Variants in NDRG1 observed in about 807,000 individuals in gnomAD.
The protein encoded by NDRG1 is protein NDRG1.
NDRG1 carries 32 observed loss-of-function variants against 56.9 expected under a neutral mutation model. The observed-to-expected ratio is 0.56, with a 90% confidence interval of 0.42 to 0.76. The LOEUF is 0.76. Among genes scored for constraint, NDRG1 ranks in the 30% least tolerant of loss-of-function variants. The pLI, the probability that NDRG1 is intolerant of heterozygous loss-of-function variation, is 0.00. For missense variants in NDRG1, 507 were observed against 545.7 expected (o/e 0.93, Z 0.71); for synonymous variants, 211 against 204.1 (o/e 1.03, Z -0.29).
chr8:133,256,169 C>T (rs746693406), intron 8 of NDRG1: 1 of 154,742 alleles, frequency 6.5e-6, no homozygotes, highest in Admixed American at 6.3e-5. Flanking sequence ...CTTAGCCACA[C>T]CGAGTCCTTA....
intron 5 of NDRG1, among the ~76,000 whole-genome samples, chr8:133,259,941 G>A (rs1181944477): frequency 6.6e-6 from 1 of 152,216 alleles, no homozygotes; most frequent in Non-Finnish European, 1.5e-5. Flanking sequence ...AGTAAAGCGT[G>A]TGGGCAGGGA....
intron 3 of NDRG1, among the ~76,000 whole-genome samples, chr8:133,266,432 G>A (rs776744083): frequency 6.6e-6 from 1 of 152,216 alleles, no homozygotes; most frequent in South Asian, 2.1e-4. Flanking sequence ...ACAAACTCAC[G>A]CTTGAGAAGA....
intron 4 of NDRG1, among the ~76,000 whole-genome samples, chr8:133,263,953 AGAAC>A (rs1322653613): frequency 6.6e-6 from 1 of 151,968 alleles, no homozygotes; most frequent in Non-Finnish European, 1.5e-5. Context: ...AAAAGAAAAA[AGAAC>A]GAATAAAGTG....
In NDRG1 at chr8:133,258,886, GA is replaced by G. The variant is rs1187382275; in HGVS notation, c.389+281del. The G allele has an allele frequency of 7.3e-6, 4 of 547,474 alleles. No individual in the cohort carries two copies. In the African/African-American group the frequency reaches 7.5e-5, roughly 10 times the overall value. The allele number at this position is 547,474 out of a possible 1,614,324, so 33.9% of individuals were successfully genotyped here. On this transcript the variant is annotated intron_variant, in intron 6 of 15. Transcript: ENST00000323851. ...ATTCCAGAACATTCCATGGGAAAGA[GA>G]AGGGAATGGAAGAACAGGAGGCAAG...
intron 9 of NDRG1, among the ~76,000 whole-genome samples, chr8:133,252,000 G>A (rs1468821082): frequency 6.6e-6 from 1 of 152,222 alleles, no homozygotes; most frequent in Non-Finnish European, 1.5e-5. Context: ...AAGCAAGGAC[G>A]AATTTCCCCT....
intron 15 of NDRG1, chr8:133,240,306 G>A (rs1466812632): frequency 6.6e-6 from 1 of 152,186 alleles, no homozygotes; most frequent in Admixed American, 6.5e-5. Flanking sequence ...AGGGGCAGTT[G>A]ATCCACACCA....
In NDRG1 at chr8:133,254,580, G is replaced by A; in HGVS notation, c.553C>T (p.Gln185Ter). 6.2e-7 allele frequency: 1 copy of A among 1,614,098 alleles called. No individual in the cohort carries two copies. Among genetic ancestry groups the A allele is most frequent in the Non-Finnish European group, 8.5e-7 (1 of 1,180,004 alleles). ...GACACCACCATGTCCGGCAGAGCTT[G>A]GGTCCATCCTGAGATCTGGAAAGGA... ...WAASKISGWT[Q>*]ALPDMVVSHL... The change falls in exon 9 of 16, where the codon CAA becomes TAA. Residue 185 changes from glutamine (Q) to a stop codon, truncating the protein, a stop_gained. Coordinates refer to ENST00000323851, the MANE Select transcript of NDRG1 (RefSeq NM_006096.4). LOFTEE classifies it high-confidence loss of function.
intron 3 of NDRG1, among the ~76,000 whole-genome samples, chr8:133,265,383 G>C (rs980043515): frequency 6.6e-6 from 1 of 152,150 alleles, no homozygotes; most frequent in African/African-American, 2.4e-5. Context: ...CTGAAAGTAT[G>C]GCCAGCCCAG....
intron 15 of NDRG1, chr8:133,241,493 C>T (rs1317844481): frequency 1.7e-5 from 3 of 177,640 alleles, no homozygotes; most frequent in Non-Finnish European, 3.6e-5. Flanking sequence ...CAGAGCTTCA[C>T]AGTCTTCAAA....
At chr8:133,285,851 G>T (rs1858082594) in intron 1 of NDRG1, among the ~76,000 whole-genome samples, 1 of 152,250 alleles carries the variant, frequency 6.6e-6, no homozygotes, top group South Asian at 2.1e-4. Flanking sequence ...AGGCATGAAA[G>T]GCCCGCGTCT....
At chr8:133,250,132 G>A (rs1855930953) in intron 10 of NDRG1, among the ~76,000 whole-genome samples, 1 of 152,222 alleles carries the variant, frequency 6.6e-6, no homozygotes, top group Non-Finnish European at 1.5e-5. Context: ...GGCCTTTCGT[G>A]AAGGTCAGCA....
intron 4 of NDRG1, among the ~76,000 whole-genome samples, 175 bp downstream of exon 4, chr8:133,264,372 T>C (rs932542680): frequency 2.0e-5 from 3 of 152,252 alleles, no homozygotes; most frequent in African/African-American, 7.2e-5. Context: ...CGTGCCCACA[T>C]GCAGCGCATT....
At chr8:133,243,099 T>C (rs1053832840) in intron 14 of NDRG1, among the ~76,000 whole-genome samples, 3 of 152,174 alleles carry the variant, frequency 2.0e-5, no homozygotes, top group African/African-American at 7.2e-5. Flanking sequence ...GGTCCTATTC[T>C]CCTGAGGCAG....
intron 3 of NDRG1, among the ~76,000 whole-genome samples, chr8:133,271,013 G>C (rs1857159496): frequency 6.6e-6 from 1 of 152,230 alleles, no homozygotes; most frequent in Non-Finnish European, 1.5e-5. Flanking sequence ...AACCGCTCCA[G>C]AGATGATTAG....
intron 3 of NDRG1, among the ~76,000 whole-genome samples, chr8:133,269,054 C>T (rs967518973): frequency 3.3e-5 from 5 of 152,256 alleles, no homozygotes; most frequent in Non-Finnish European, 7.3e-5. Flanking sequence ...GGGGATCAAT[C>T]ACTCAGTGTT....
chr8:133,280,325 T>A (rs1719140529), intron 2 of NDRG1, 58 bp from the exon 3 acceptor site: 1 of 1,539,170 alleles, frequency 6.5e-7, no homozygotes, highest in Non-Finnish European at 9.0e-7. Context: ...AGAGAAATAA[T>A]ATTGGGACAT....
chr8:133,273,599 C>G (rs1857302840), intron 3 of NDRG1, among the ~76,000 whole-genome samples: 1 of 152,160 alleles, frequency 6.6e-6, no homozygotes, highest in Non-Finnish European at 1.5e-5. Flanking sequence ...CAAGAGAGGC[C>G]AGCCATTACG....
chr8:133,284,221 T>C (rs1315447987), intron 2 of NDRG1, 28 bp downstream of exon 2: 3 of 1,610,762 alleles, frequency 1.9e-6, no homozygotes, highest in Non-Finnish European at 2.5e-6. Flanking sequence ...GTGCCTGTGA[T>C]GGGGTAGCCA....
chr8:133,283,895 G>A (rs900752136), intron 2 of NDRG1, among the ~76,000 whole-genome samples: 2 of 152,222 alleles, frequency 1.3e-5, no homozygotes, highest in African/African-American at 4.8e-5. Context: ...TGTTAGAGAC[G>A]GGAAAGCTGA....
Sources: allele counts gnomAD v4.1 joint callset (sites outside exome capture counted in the v4.1 genomes callset), GRCh38; gene constraint gnomAD v4.1.1; transcripts MANE v1.5; gene names NCBI Gene and HGNC (gene_info 2026-07-23, HGNC 2026-07-21).